The following NOL4 variants were observed in gnomAD, a reference collection of about 807,000 sequenced individuals.
NOL4 encodes cancer/testis antigen 125.
In NOL4, 17 loss-of-function variants were observed where a neutral mutation model predicts 75.9. The ratio of observed to expected loss-of-function variants is 0.22; its 90% CI spans 0.15 to 0.34. NOL4 has a LOEUF of 0.34. Ranked by LOEUF, NOL4 falls within the 10% of genes least tolerant of loss-of-function variation. The pLI is 1.00. For missense variants in NOL4, 614 were observed against 793.5 expected, an observed-to-expected ratio of 0.77 and a Z score of 2.72; for synonymous variants, 292 against 289.9, an observed-to-expected ratio of 1.01 and a Z score of -0.07.
Position 33,980,578 on chromosome 18 carries a change from T to A in NOL4, c.1057-22160A>T, listed in dbSNP as rs1432913346. Among the ~76,000 whole-genome samples, 3 of 151,938 alleles carry A rather than the reference T, an allele frequency of 2.0e-5. No individual in the cohort carries two copies. In the East Asian group the frequency reaches 5.8e-4, roughly 29 times the overall value. On this transcript the variant is annotated intron_variant, in intron 6 of 10. Transcript: ENST00000261592. ...ACCCAACTCTAGCCTGCTCTAGGCA[T>A]CCTGTACCACCAAGAAGAGTGGAAA...
chr18:34,176,554 T>C (rs1335052268), intron 1 of NOL4, among the ~76,000 whole-genome samples: 1 of 151,996 alleles, frequency 6.6e-6, no homozygotes, highest in Admixed American at 6.6e-5. Context: ...CCTAACCAAA[T>C]ATAATGGTAT....
Position 34,129,933 on chromosome 18 carries a change from C to T in NOL4, c.352G>A (p.Glu118Lys), listed in dbSNP as rs759543363. 2 of 1,598,762 alleles carry T rather than the reference C, an allele frequency of 1.3e-6. No individual in the cohort carries two copies. Among genetic ancestry groups the T allele is most frequent in the Non-Finnish European group, 1.7e-6 (2 of 1,171,906 alleles). ...FFDIIYSMHVETGPNGEQIRK... is the reference protein window; with the variant it reads ...FFDIIYSMHVKTGPNGEQIRK... ...ATTTGTTCTCCATTTGGCCCCGTTT[C>T]CACATGCATCGAATAAATAATGTCA... Residue 118 changes from glutamate to lysine, a missense_variant, in exon 2 of 11, where the codon GAA (glutamate) becomes AAA (lysine). Physicochemically the swap from Glu to Lys is moderately conservative, Grantham distance 56. Around this residue, in one of 9 missense-constraint regions of NOL4, gnomAD observed 135 missense variants for 220.4 expected, o/e 0.61. Coordinates refer to ENST00000261592, the MANE Select transcript of NOL4 (RefSeq NM_003787.5).
At chr18:33,988,575 C>T (rs1267340229) in intron 6 of NOL4, among the ~76,000 whole-genome samples, 4 of 151,930 alleles carry the variant, frequency 2.6e-5, no homozygotes, top group Non-Finnish European at 5.9e-5. Flanking sequence ...AAAAGCATTC[C>T]CCCACTGATT....
At chr18:34,201,279 TA>T (rs1290242305) in intron 1 of NOL4, among the ~76,000 whole-genome samples, 1 of 151,804 alleles carries the variant, frequency 6.6e-6, no homozygotes, top group Non-Finnish European at 1.5e-5. Context: ...TTAATCTTCA[TA>T]AAAATCCCAT....
chr18:33,890,997 T>C (rs1263857149), intron 9 of NOL4, among the ~76,000 whole-genome samples: 1 of 151,766 alleles, frequency 6.6e-6, no homozygotes, highest in Admixed American at 6.6e-5. Context: ...AAAGGTACAG[T>C]GAAAAATCTC....
At chr18:34,179,279 C>T (rs940620656) in intron 1 of NOL4, among the ~76,000 whole-genome samples, 22 of 150,888 alleles carry the variant, frequency 1.5e-4, no homozygotes, top group African/African-American at 5.1e-4. Flanking sequence ...AAACAAAAAA[C>T]AGCCTTCCAC....
chr18:34,130,108 TTATAACCTCAAC>T, intron 1 of NOL4, 88 bp from the exon 2 acceptor site: 1 of 1,272,036 alleles, frequency 7.9e-7, no homozygotes. Flanking sequence ...CAAAATGTTT[TTATAACCTCAAC>T]AAAATCATCT....
At chr18:34,069,346 A>C (rs1394704513) in intron 5 of NOL4, among the ~76,000 whole-genome samples, 1 of 152,192 alleles carries the variant, frequency 6.6e-6, no homozygotes. Flanking sequence ...CTAAACTAAA[A>C]CATGAGAAAA....
At chr18:34,136,729 G>C (rs2080908741) in intron 1 of NOL4, among the ~76,000 whole-genome samples, 1 of 151,986 alleles carries the variant, frequency 6.6e-6, no homozygotes, top group Non-Finnish European at 1.5e-5. Flanking sequence ...TTATAGACTA[G>C]AAGACAATAT....
At chr18:33,917,829 C>T (rs1452962710) in intron 9 of NOL4, among the ~76,000 whole-genome samples, 2 of 152,084 alleles carry the variant, frequency 1.3e-5, no homozygotes, top group South Asian at 2.1e-4. Context: ...AAATAAGAAC[C>T]TTGTTCTGAA....
Position 34,223,419 on chromosome 18 carries a change from T to C in NOL4, c.-166A>G. On this transcript the variant is annotated 5_prime_UTR_variant, in exon 1 of 11. Transcript: ENST00000261592. ...AAGGGATGGGAAGAGGGGAGGAGGG[T>C]CCGGTTGGGCACCAGCAATCAATGC... 1.1e-6 allele frequency: 1 copy of C among 918,944 alleles called. No homozygotes were observed. Among genetic ancestry groups the C allele is most frequent in the Non-Finnish European group, 1.6e-6 (1 of 625,920 alleles). 56.9% of individuals were successfully genotyped at this position (918,944 alleles called of 1,614,324 possible).
rs962835015 is a variant in NOL4 at position 33,975,818 on chromosome 18, T to C, written c.1057-17400A>G. Among the ~76,000 whole-genome samples the C allele has an allele frequency of 5.3e-5, 8 of 152,252 alleles. No homozygotes were observed. The East Asian group carries it at 1.4e-3, about 26-fold the overall frequency. ...GTGAAGAAATTAATACACATGGAAA[T>C]AAAATGCCCTCATGTCAAGCATCTC... On this transcript the variant is annotated intron_variant, in intron 6 of 10. Transcript: ENST00000261592.
At position 34,116,853 on chromosome 18, in the gene NOL4, A is replaced by C. The variant is rs1428178376; in HGVS notation, c.415-11693T>G. 2.0e-5 allele frequency among the ~76,000 whole-genome samples: 3 copies of C among 152,198 alleles called. No homozygotes were observed. The South Asian group carries it at 6.2e-4, about 31-fold the overall frequency. On this transcript the variant is annotated intron_variant, in intron 2 of 10. Coordinates refer to ENST00000261592, the MANE Select transcript of NOL4 (RefSeq NM_003787.5). ...ATTTTAAAACATGGAGAATTTGACC[A>C]TGTCTTCTTTTCTCAGTCCCAAGTA...
At position 33,943,060 on chromosome 18, in the gene NOL4, A is replaced by C. The variant is rs1233089891; in HGVS notation, c.1542+5T>G. ...TGTTCACCAGACTTCAAGATGCCTC[A>C]GTACCTGCTGTCTCTCCAGACGCAT... On this transcript the variant is annotated splice_donor_5th_base_variant and intron_variant, in intron 9 of 10. Transcript: ENST00000261592. 6.3e-7 allele frequency: 1 copy of C among 1,597,798 alleles called. No individual in the cohort carries two copies. Among genetic ancestry groups the C allele is most frequent in the South Asian group, 1.1e-5 (1 of 90,576 alleles).
intron 1 of NOL4, among the ~76,000 whole-genome samples, chr18:34,151,607 T>C (rs2081641545): frequency 6.6e-6 from 1 of 151,894 alleles, no homozygotes; most frequent in South Asian, 2.1e-4. Flanking sequence ...GAAACTATTC[T>C]GTATGACACT....
At chr18:34,103,920 G>A in intron 4 of NOL4, 127 bp downstream of exon 4, 1 of 629,642 alleles carries the variant, frequency 1.6e-6, no homozygotes, top group South Asian at 1.8e-5. Context: ...GTGCAACTGT[G>A]GTGAGATTCA....
intron 1 of NOL4, among the ~76,000 whole-genome samples, chr18:34,152,453 A>C (rs1239197820): frequency 6.6e-6 from 1 of 151,964 alleles, no homozygotes; most frequent in Non-Finnish European, 1.5e-5. Context: ...ATGGAGGAAA[A>C]TTAATAGAGC....
At chr18:34,221,668 T>C (rs1162123159) in intron 1 of NOL4, 1 of 177,772 alleles carries the variant, frequency 5.6e-6, no homozygotes, top group South Asian at 2.0e-4. Flanking sequence ...TTACTTTTGG[T>C]TCCCAATTTC....
At chr18:33,892,445 T>TA (rs1568020095) in intron 9 of NOL4, among the ~76,000 whole-genome samples, 1 of 151,850 alleles carries the variant, frequency 6.6e-6, no homozygotes, top group African/African-American at 2.4e-5. Context: ...TGTAAATAAA[T>TA]AATAAATAAA....
Sources: gnomAD v4.1 joint callset for allele counts (sites outside exome capture counted in the v4.1 genomes callset) on GRCh38, gnomAD v4.1.1 for gene constraint, gnomAD v4.1.1 regional missense constraint, MANE v1.5 for transcripts, NCBI Gene and HGNC (gene_info 2026-07-23, HGNC 2026-07-21) for gene names.